The following DYTN variants were observed in gnomAD, a reference collection of about 807,000 sequenced individuals.
DYTN encodes the protein dystrotelin.
In DYTN, 75 loss-of-function variants were observed where a neutral mutation model predicts 69.6. The observed-to-expected ratio is 1.08, with a 90% CI of 0.89 to 1.31. The LOEUF is 1.31. Among genes scored for constraint, DYTN ranks in the 50% most tolerant of loss-of-function variants. The probability of loss-of-function intolerance (pLI) is 0.00; values close to 1 mark genes in which losing one functional copy is unlikely to be tolerated. For missense variants in DYTN, 726 were observed against 688.4 expected (o/e 1.05, Z -0.61); for synonymous variants, 252 against 249.1 (o/e 1.01, Z -0.11).
chr2:206,677,228 G>A (rs757050848), intron 9 of DYTN, among the ~76,000 whole-genome samples: 5 of 152,140 alleles, frequency 3.3e-5, no homozygotes, highest in Admixed American at 6.5e-5. Context: ...GATTACAGGT[G>A]TGAGCCACTG....
chr2:206,683,799 T>A (rs1316621770), intron 9 of DYTN, among the ~76,000 whole-genome samples: 1 of 152,128 alleles, frequency 6.6e-6, no homozygotes, highest in Non-Finnish European at 1.5e-5. Flanking sequence ...GGCTGTCTCC[T>A]CAGTTTGCAG....
At chr2:206,689,509 T>C (rs1699842787) in intron 9 of DYTN, among the ~76,000 whole-genome samples, 1 of 152,234 alleles carries the variant, frequency 6.6e-6, no homozygotes, top group South Asian at 2.1e-4. Flanking sequence ...ACAACTCTAC[T>C]GTACTTGGGG....
chr2:206,664,307 T>C (rs1699544452), intron 10 of DYTN, among the ~76,000 whole-genome samples: 2 of 152,134 alleles, frequency 1.3e-5, no homozygotes, highest in Non-Finnish European at 2.9e-5. Flanking sequence ...TTCTCAAAAA[T>C]GAACAAAGCG....
At chr2:206,701,308 A>T (rs1401229864) in intron 5 of DYTN, 2 of 152,240 alleles carry the variant, frequency 1.3e-5, no homozygotes, top group East Asian at 3.8e-4. Context: ...ATGAAAGGAA[A>T]GGAAATCAGT....
rs1700070689 is a variant in DYTN at position 206,710,537 on chromosome 2, T to C, written c.81A>G (p.Gln27=). Residue 27 remains glutamine (Q), a synonymous_variant, in exon 2 of 12, where the codon CAA becomes CAG. Transcript: ENST00000452335. ...GCCTATACTTACACTGGCACAGAGT[T>C]TGCACTGATTGTAATTTGAAGGCTG... ...YRTAFKLQSV[Q]TLCQLDLIDS... 1.2e-6 allele frequency: 2 copies of C among 1,612,308 alleles called. No individual in the cohort carries two copies. Among genetic ancestry groups the C allele is most frequent in the Non-Finnish European group, 1.7e-6 (2 of 1,179,252 alleles).
chr2:206,657,084 GGTTT>G (rs1446223443), intron 11 of DYTN, among the ~76,000 whole-genome samples: 1 of 151,680 alleles, frequency 6.6e-6, no homozygotes, highest in East Asian at 1.9e-4. Context: ...TTTTCTTTTT[GGTTT>G]GTTTATTTTT....
At chr2:206,715,688 G>A (rs1209472509) in intron 1 of DYTN, among the ~76,000 whole-genome samples, 1 of 152,216 alleles carries the variant, frequency 6.6e-6, no homozygotes, top group Non-Finnish European at 1.5e-5. Context: ...ATAATTCAAA[G>A]AGGTTGGCTG....
chr2:206,669,588 TA>T (rs1311242941), intron 9 of DYTN, among the ~76,000 whole-genome samples: 1 of 152,214 alleles, frequency 6.6e-6, no homozygotes, highest in Non-Finnish European at 1.5e-5. Context: ...TCAAAGGGAA[TA>T]TTTAGTTTAA....
Position 206,712,926 on chromosome 2 carries a change from G to A in DYTN, c.20-2328C>T, listed in dbSNP as rs563301632. ...TCAGGGAAGCAGAATTTTTTTTCTC[G>A]ACTTGAATTTGGAATTGTAGATTGG... On this transcript the variant is annotated intron_variant, in intron 1 of 11. Coordinates refer to ENST00000452335, the MANE Select transcript of DYTN (RefSeq NM_001093730.1). 3.1e-4 allele frequency among the ~76,000 whole-genome samples: 47 copies of A among 152,202 alleles called. No individual in the cohort carries two copies. In the South Asian group the frequency reaches 6.2e-3, roughly 20 times the overall value.
intron 9 of DYTN, among the ~76,000 whole-genome samples, chr2:206,673,686 G>C (rs1699651854): frequency 6.6e-6 from 1 of 152,228 alleles, no homozygotes; most frequent in Admixed American, 6.5e-5. Context: ...CATATCTATA[G>C]ACACTGTAGT....
intron 11 of DYTN, among the ~76,000 whole-genome samples, chr2:206,659,484 C>CAAAAAAAAAAAAAAA (rs772861150): frequency 4.6e-5 from 3 of 64,574 alleles, no homozygotes; most frequent in African/African-American, 1.7e-4. Flanking sequence ...CAACAATTCT[C>CAAAAAAAAAAAAAAA]AAAAAAAAAA....
intron 9 of DYTN, among the ~76,000 whole-genome samples, chr2:206,688,449 G>A (rs1044881280): frequency 2.0e-5 from 3 of 151,944 alleles, no homozygotes; most frequent in Non-Finnish European, 4.4e-5. Flanking sequence ...AAAAAAACAA[G>A]ACACAAAATA....
chr2:206,663,306 C>G lies in DYTN; in HGVS notation c.1230G>C (p.Lys410Asn). 6.2e-7 allele frequency: 1 copy of G among 1,614,024 alleles called. No individual in the cohort carries two copies. The highest frequency in any genetic ancestry group is 8.5e-7 in the Non-Finnish European group (1 of 1,179,894). Reference protein sequence around the residue: ...VDHSSTEKVPKGGDYLQIKNA... With the variant: ...VDHSSTEKVPNGGDYLQIKNA... ...TCTTGATCTGCAAATAATCCCCTCC[C>G]TTTGGAACCTTTTCAGTTGAAGAAT... Residue 410 changes from lysine (K) to asparagine (N), a missense_variant, in exon 11 of 12, where the codon AAG (lysine) becomes AAC (asparagine). Physicochemically the swap from Lys to Asn is moderately conservative, Grantham distance 94. Transcript: ENST00000452335.
intron 9 of DYTN, among the ~76,000 whole-genome samples, chr2:206,671,833 T>A (rs1391968212): frequency 1.3e-5 from 2 of 152,246 alleles, no homozygotes; most frequent in African/African-American, 4.8e-5. Flanking sequence ...AATGGTGGTA[T>A]ATCCATAGAA....
At chr2:206,689,967 A>T (rs1026480225) in intron 9 of DYTN, among the ~76,000 whole-genome samples, 4 of 152,250 alleles carry the variant, frequency 2.6e-5, no homozygotes, top group Admixed American at 2.6e-4. Context: ...ACTGGAAACA[A>T]TGGACATTCC....
rs1330111103 is a variant in DYTN, at chr2:206,659,235, G to T, written c.1633+3668C>A. Among the ~76,000 whole-genome samples the T allele has an allele frequency of 1.5e-4, 20 of 135,412 alleles. No individual in the cohort carries two copies. In the East Asian group the frequency reaches 4.4e-3, roughly 30 times the overall value. The allele number at this position is 135,412 out of a possible 152,430, so 88.8% of individuals were successfully genotyped here. On this transcript the variant is annotated intron_variant, in intron 11 of 11. Coordinates refer to ENST00000452335, the MANE Select transcript of DYTN (RefSeq NM_001093730.1). ...CGCCCAGGTTGGAGTGCACGGGCGC[G>T]ATCTCAGCTCACTGCAAGCTCCGCC...
In DYTN at chr2:206,666,032, GAA is replaced by G; in HGVS notation, c.981-5_981-4del. The G allele has an allele frequency of 4.3e-6, 7 of 1,613,344 alleles. No homozygotes were observed. The highest frequency in any genetic ancestry group is 5.9e-6 in the Non-Finnish European group (7 of 1,179,566). On this transcript the variant is annotated splice_region_variant and splice_polypyrimidine_tract_variant and intron_variant, in intron 9 of 11. Transcript: ENST00000452335. ...GGTTTAACTGTTTTTTAAGGAGCCTGAAAAGAGAACAGATTTGAGCGGTTTGG... is the reference window on the plus strand; with the variant it reads ...GGTTTAACTGTTTTTTAAGGAGCCTGAAGAGAACAGATTTGAGCGGTTTGG...
At chr2:206,710,224 C>T (rs1559318887) in intron 2 of DYTN, among the ~76,000 whole-genome samples, 1 of 151,836 alleles carries the variant, frequency 6.6e-6, no homozygotes, top group Admixed American at 6.6e-5. Flanking sequence ...ATATTGGTAT[C>T]CTGAAAAGGA....
intron 6 of DYTN, 95 bp from the exon 7 acceptor site, chr2:206,699,985 A>G: frequency 6.5e-7 from 1 of 1,543,606 alleles, no homozygotes; most frequent in Non-Finnish European, 8.8e-7. Flanking sequence ...CTGCTGAAGA[A>G]GTTTATCATA....
Sources: gnomAD v4.1 joint callset for allele counts (sites outside exome capture counted in the v4.1 genomes callset) on GRCh38, gnomAD v4.1.1 for gene constraint, MANE v1.5 for transcripts, NCBI Gene and HGNC (gene_info 2026-07-23, HGNC 2026-07-21) for gene names.